TMEM50B: variants seen among roughly 807,000 people sequenced by gnomAD.
The protein encoded by TMEM50B is transmembrane protein 50B.
In TMEM50B, 14 loss-of-function variants were observed where a neutral mutation model predicts 23.4. The ratio of observed to expected loss-of-function variants is 0.60; its 90% confidence interval spans 0.39 to 0.93. TMEM50B has a LOEUF of 0.93. Ranked by LOEUF, TMEM50B falls within the 40% of genes least tolerant of loss-of-function variation. TMEM50B has a pLI of 0.00. For synonymous variants in TMEM50B, 64 were observed against 62.3 expected, an observed-to-expected ratio of 1.03 and a Z score of -0.13; for missense variants, 159 against 193.0, an observed-to-expected ratio of 0.82 and a Z score of 1.04.
At chr21:33,473,546 T>C (rs975593747) in intron 1 of TMEM50B, among the ~76,000 whole-genome samples, 4 of 150,754 alleles carry the variant, frequency 2.7e-5, no homozygotes, top group Non-Finnish European at 4.4e-5. Context: ...CATGGTGGTG[T>C]GCACTTGTAG....
chr21:33,474,718 T>C (rs2084350109), intron 1 of TMEM50B, among the ~76,000 whole-genome samples: 1 of 61,068 alleles, frequency 1.6e-5, no homozygotes, highest in South Asian at 5.2e-4. Flanking sequence ...GAGGTTGCAG[T>C]GAGCCAAGAT....
chr21:33,473,061 A>G (rs1234523534), intron 1 of TMEM50B, among the ~76,000 whole-genome samples: 1 of 152,132 alleles, frequency 6.6e-6, no homozygotes. Context: ...TCAATACAAC[A>G]TATACAGAGA....
chr21:33,432,596 G>T, exon 9 of TMEM50B: 1 of 1,141,358 alleles, frequency 8.8e-7, no homozygotes, highest in Non-Finnish European at 1.3e-6. Flanking sequence ...GGGGGTAGAG[G>T]GACTTGCCCA....
At position 33,466,573 on chromosome 21, in the gene TMEM50B, G is replaced by A. The variant is rs984207706; in HGVS notation, c.212+437C>T. Among the ~76,000 whole-genome samples, 4 of 151,974 alleles carry A rather than the reference G, an allele frequency of 2.6e-5. 1 individual carries two copies. Among genetic ancestry groups the A allele is most frequent in the African/African-American group, 9.7e-5 (4 of 41,376 alleles). ...TTTACTACTAAAAAAATGCAGAAAC[G>A]TAACATGTTTCATGAAATCTCAGAG... is the stretch of plus-strand genomic sequence containing the variant. On this transcript the variant is annotated intron_variant, in intron 3 of 6. Transcript: ENST00000542230.
At chr21:33,461,913 A>T (rs940476741) in intron 4 of TMEM50B, among the ~76,000 whole-genome samples, 2 of 152,196 alleles carry the variant, frequency 1.3e-5, no homozygotes, top group African/African-American at 4.8e-5. Context: ...TTGTAAAGTA[A>T]GTATGTCTGA....
chr21:33,445,102 C>A (rs932004723), downstream of TMEM50B, among the ~76,000 whole-genome samples: 93 of 143,182 alleles, frequency 6.5e-4, 1 homozygote, highest in African/African-American at 2.0e-3. Context: ...AAAAAAAAAA[C>A]CAGAAACTGC....
chr21:33,446,590 T>C (rs138736328), downstream of TMEM50B, among the ~76,000 whole-genome samples: 1,253 of 114,526 alleles, frequency 0.011, 26 homozygotes, highest in African/African-American at 0.041. Flanking sequence ...GTCTCAGTAA[T>C]AGAAAACACC....
intron 8 of TMEM50B, among the ~76,000 whole-genome samples, chr21:33,436,133 G>A (rs189686261): frequency 1.1e-3 from 167 of 151,136 alleles, no homozygotes; most frequent in African/African-American, 3.2e-3. Context: ...CGAGGCGGGC[G>A]GATCACCTGA....
At position 33,435,927 on chromosome 21, in the gene TMEM50B, C is replaced by G. The variant is rs1486389673; in HGVS notation, c.*2121-3125G>C. On this transcript the variant is annotated intron_variant and NMD_transcript_variant, in intron 8 of 8. Transcript: ENST00000420455. ...AAAAAATTAGCCAGCCGTGGTGGTG[C>G]ACGCCTGCAATCCTAGCTACTTGGT... Among the ~76,000 whole-genome samples, 56 of 143,714 alleles carry G rather than the reference C, an allele frequency of 3.9e-4. 1 individual carries two copies. In the Admixed American group the frequency reaches 4.0e-3, roughly 10 times the overall value. 94.3% of individuals were successfully genotyped at this position (143,714 alleles called of 152,430 possible).
intron 6 of TMEM50B, among the ~76,000 whole-genome samples, chr21:33,451,160 C>T (rs898749090): frequency 3.9e-5 from 6 of 152,032 alleles, no homozygotes; most frequent in African/African-American, 1.2e-4. Context: ...ATCAATAAAT[C>T]AAAAGAAAAA....
At chr21:33,443,600 C>T (rs1209040563) in intron 7 of TMEM50B, among the ~76,000 whole-genome samples, 1 of 152,148 alleles carries the variant, frequency 6.6e-6, no homozygotes, top group African/African-American at 2.4e-5. Flanking sequence ...AACGTGTGAC[C>T]ATGGGCAGGA....
rs74275615 is a variant in TMEM50B, at chr21:33,441,927, G to A, written c.*2037-2630C>T. Among the ~76,000 whole-genome samples, 1,092 of 152,174 alleles carry A rather than the reference G, an allele frequency of 7.2e-3. 55 individuals carry two copies. In the East Asian group the frequency reaches 0.12, roughly 17 times the overall value. On this transcript the variant is annotated intron_variant and NMD_transcript_variant, in intron 7 of 8. Coordinates refer to the TMEM50B transcript ENST00000420455. ...ATTACAGGCATGAGCCACCACGCCC[G>A]GCCTTGTGATCATTTTTGTTATCAA...
Position 33,460,481 on chromosome 21 carries a change from C to G in TMEM50B, c.305G>C (p.Gly102Ala). 6.2e-7 allele frequency: 1 copy of G among 1,611,434 alleles called. No individual in the cohort carries two copies. The highest frequency in any genetic ancestry group is 1.7e-5 in the Admixed American group (1 of 59,306). Residue 102 changes from glycine to alanine, a missense_variant, in exon 5 of 7, where the codon GGT (glycine) becomes GCT (alanine). Coordinates refer to ENST00000542230, the MANE Select transcript of TMEM50B (RefSeq NM_006134.7). ...AAGTGACCCAAACATCAACATGAAA[C>G]CAATGAAAAGCCAAACTCGAGCACC... ...RTGARVWLFIGFMLMFGSLIA... is the reference protein window; with the variant it reads ...RTGARVWLFIAFMLMFGSLIA...
intron 2 of TMEM50B, among the ~76,000 whole-genome samples, chr21:33,468,104 T>C (rs2084281049): frequency 6.8e-6 from 1 of 146,740 alleles, no homozygotes; most frequent in Non-Finnish European, 1.5e-5. Flanking sequence ...GAGTGGTTGA[T>C]GGAATTATAA....
chr21:33,465,750 AAG>A (rs1412978838), intron 3 of TMEM50B, among the ~76,000 whole-genome samples: 4 of 152,192 alleles, frequency 2.6e-5, no homozygotes, highest in African/African-American at 9.7e-5. Flanking sequence ...CATTATTATC[AAG>A]AGTTAAACAG....
At chr21:33,446,480 G>A (rs1419442287), downstream of TMEM50B, among the ~76,000 whole-genome samples, 6 of 150,536 alleles carry the variant, frequency 4.0e-5, no homozygotes, top group Non-Finnish European at 8.9e-5. Flanking sequence ...CAAGTAATCT[G>A]CCCGCCTCGG....
rs1321614413 is a variant in TMEM50B, at chr21:33,450,158, C to G, written c.*660G>C. On this transcript the variant is annotated 3_prime_UTR_variant, in exon 7 of 7. Transcript: ENST00000542230. Reference sequence around the variant, plus strand: ...CAGTGCTCATTCTAGATATATGAAGCTATATTTTTTTGTACATCTTCAGAA... The same window carrying G: ...CAGTGCTCATTCTAGATATATGAAGGTATATTTTTTTGTACATCTTCAGAA... The G allele has an allele frequency of 6.6e-6, 1 of 151,136 alleles. No individual in the cohort carries two copies. The highest frequency in any genetic ancestry group is 1.5e-5 in the Non-Finnish European group (1 of 67,910). The allele number at this position is 151,136 out of a possible 1,614,324, so 9.4% of individuals were successfully genotyped here.
At chr21:33,463,468 G>A (rs1160122986) in intron 4 of TMEM50B, among the ~76,000 whole-genome samples, 1 of 152,170 alleles carries the variant, frequency 6.6e-6, no homozygotes, top group East Asian at 1.9e-4. Context: ...TAGTGGCCAC[G>A]AGGTGAGGGG....
chr21:33,457,263 AG>A (rs1260081075), intron 5 of TMEM50B, among the ~76,000 whole-genome samples: 4 of 152,068 alleles, frequency 2.6e-5, no homozygotes, highest in African/African-American at 7.2e-5. Flanking sequence ...TAAAAAAAAA[AG>A]AAAAGTATAT....
Sources: allele counts gnomAD v4.1 joint callset (sites outside exome capture counted in the v4.1 genomes callset), GRCh38; gene constraint gnomAD v4.1.1; transcripts MANE v1.5; gene names NCBI Gene and HGNC (gene_info 2026-07-23, HGNC 2026-07-21).